Variants in TFG observed in about 807,000 individuals in gnomAD.
The protein encoded by TFG is protein TFG.
TFG carries 22 observed loss-of-function variants against 51.4 expected under a neutral mutation model. That is an observed-to-expected ratio of 0.43 (90% CI 0.31 to 0.61). TFG has a LOEUF of 0.61. TFG is among the 20% of genes least tolerant of loss of function. The pLI is 0.12. For synonymous variants in TFG, 187 were observed against 165.6 expected, an observed-to-expected ratio of 1.13 and a Z score of -0.99; for missense variants, 419 against 487.7, an observed-to-expected ratio of 0.86 and a Z score of 1.33.
intron 7 of TFG, 146 bp from the exon 8 acceptor site, chr3:100,748,003 A>T: frequency 1.4e-6 from 1 of 734,554 alleles, no homozygotes; most frequent in Non-Finnish European, 2.2e-6. Context: ...TTGAAATATT[A>T]TGTGATGGAA....
intron 3 of TFG, among the ~76,000 whole-genome samples, chr3:100,724,139 T>C (rs891952383): frequency 6.6e-6 from 1 of 152,204 alleles, no homozygotes; most frequent in Non-Finnish European, 1.5e-5. Flanking sequence ...CCTTAAATAC[T>C]TTATATTAGT....
intron 1 of TFG, chr3:100,710,917 G>A (rs1346616187): frequency 6.6e-6 from 1 of 152,196 alleles, no homozygotes; most frequent in African/African-American, 2.4e-5. Flanking sequence ...CCCTTGAAGG[G>A]AAAGTTTTGT....
chr3:100,723,962 A>G (rs1197037754), intron 3 of TFG, among the ~76,000 whole-genome samples: 1 of 152,306 alleles, frequency 6.6e-6, no homozygotes, highest in South Asian at 2.1e-4. Context: ...TTTAGAGACT[A>G]TTGGACAGAA....
chr3:100,744,972 T>A (rs1576379748), intron 7 of TFG, 41 bp downstream of exon 7: 1 of 1,315,312 alleles, frequency 7.6e-7, no homozygotes, highest in Non-Finnish European at 1.1e-6. Flanking sequence ...TGGTTTTTTG[T>A]TTCTATACTC....
chr3:100,727,246 C>T (rs991646284), intron 3 of TFG, among the ~76,000 whole-genome samples: 1 of 152,154 alleles, frequency 6.6e-6, no homozygotes, highest in African/African-American at 2.4e-5. Flanking sequence ...TTTCTGGCTG[C>T]TAGGAGCTGT....
At chr3:100,734,262 A>AGCAGCT (rs906927715) in intron 5 of TFG, among the ~76,000 whole-genome samples, 261 of 152,216 alleles carry the variant, frequency 1.7e-3, no homozygotes, top group African/African-American at 5.8e-3. Context: ...TATGGTGTAT[A>AGCAGCT]GCAGCTGATA....
intron 3 of TFG, among the ~76,000 whole-genome samples, chr3:100,723,793 C>T (rs750204762): frequency 4.6e-5 from 7 of 150,746 alleles, no homozygotes; most frequent in African/African-American, 9.7e-5. Context: ...GCTCAAACAG[C>T]GTTGGTCTTG....
chr3:100,714,494 C>T (rs536049048), intron 2 of TFG, among the ~76,000 whole-genome samples: 22 of 149,664 alleles, frequency 1.5e-4, no homozygotes, highest in African/African-American at 3.9e-4. Flanking sequence ...AGCAAGACTC[C>T]GTCTCAAAAA....
intron 5 of TFG, among the ~76,000 whole-genome samples, chr3:100,736,340 A>C (rs2095106139): frequency 6.6e-6 from 1 of 152,088 alleles, no homozygotes; most frequent in African/African-American, 2.4e-5. Context: ...AGAGGTTAAG[A>C]CTCAGGAATA....
In TFG at chr3:100,732,690, T is replaced by TC; in HGVS notation, c.580+20dup. ...GGTTTCAGGTAAGTTGGTTTCCAAC[T>TC]CCTTTACACCCTTCGTTTCCTTCAT... On this transcript the variant is annotated intron_variant, in intron 5 of 7. Transcript: ENST00000240851. The TC allele has an allele frequency of 6.3e-7, 1 of 1,579,792 alleles. No individual in the cohort carries two copies. Among genetic ancestry groups the TC allele is most frequent in the Non-Finnish European group, 8.6e-7 (1 of 1,163,070 alleles).
At chr3:100,717,445 T>G (rs2095049286) in intron 2 of TFG, among the ~76,000 whole-genome samples, 1 of 152,118 alleles carries the variant, frequency 6.6e-6, no homozygotes, top group Non-Finnish European at 1.5e-5. Context: ...ATGAATAATT[T>G]TATTGGTAGT....
chr3:100,717,263 T>C (rs113291340), intron 2 of TFG, among the ~76,000 whole-genome samples: 1 of 152,328 alleles, frequency 6.6e-6, no homozygotes, highest in African/African-American at 2.4e-5. Context: ...ATGTCAGTTC[T>C]GTTGGTCTGT....
intron 1 of TFG, among the ~76,000 whole-genome samples, chr3:100,711,222 T>C (rs2095030498): frequency 6.6e-6 from 1 of 151,886 alleles, no homozygotes; most frequent in African/African-American, 2.4e-5. Context: ...CCTGCCTCAG[T>C]CTCCTGAGTA....
intron 6 of TFG, chr3:100,744,556 A>C (rs1337132237): frequency 7.4e-6 from 2 of 271,980 alleles, no homozygotes; most frequent in African/African-American, 4.4e-5. Context: ...TGGGTTGGAA[A>C]ACATTTGTTT....
intron 3 of TFG, among the ~76,000 whole-genome samples, chr3:100,725,692 G>A (rs1291879987): frequency 2.0e-5 from 3 of 151,800 alleles, no homozygotes; most frequent in Admixed American, 6.6e-5. Flanking sequence ...CACTTGGGAG[G>A]CTGAGACATG....
chr3:100,720,112 A>C, intron 3 of TFG, 54 bp downstream of exon 3: 1 of 1,190,290 alleles, frequency 8.4e-7, no homozygotes, highest in Non-Finnish European at 1.2e-6. Context: ...TATTTTAAAG[A>C]TGTTTGGCTT....
In TFG at chr3:100,748,216, T is replaced by A; in HGVS notation, c.888T>A (p.Thr296=). ...TCCAGGGATATGGCCAGCAACCAACTTCCCAGGCACCAGCTCCTGCCTTTT... is the reference window on the plus strand; with the variant it reads ...TCCAGGGATATGGCCAGCAACCAACATCCCAGGCACCAGCTCCTGCCTTTT... The part of the protein sequence containing the change: ...QQFQGYGQQP[T]SQAPAPAFSG... The change falls in exon 8 of 8, where the codon ACT becomes ACA. Residue 296 remains threonine (T), a synonymous_variant. Coordinates refer to ENST00000240851, the MANE Select transcript of TFG (RefSeq NM_006070.6). 6.2e-7 allele frequency: 1 copy of A among 1,614,118 alleles called. No individual in the cohort carries two copies. Among genetic ancestry groups the A allele is most frequent in the Non-Finnish European group, 8.5e-7 (1 of 1,179,992 alleles).
chr3:100,731,774 C>T (rs1345695952), intron 4 of TFG, among the ~76,000 whole-genome samples: 3 of 152,052 alleles, frequency 2.0e-5, no homozygotes, highest in African/African-American at 7.2e-5. Flanking sequence ...TCTCGAGCTC[C>T]TGACCTCAAG....
At chr3:100,732,742 C>A in intron 5 of TFG, 70 bp downstream of exon 5, 6 of 1,330,544 alleles carry the variant, frequency 4.5e-6, no homozygotes, top group Non-Finnish European at 6.2e-6. Flanking sequence ...TTCCTTCTTT[C>A]TTTAATTGAA....
Sources: allele counts gnomAD v4.1 joint callset (sites outside exome capture counted in the v4.1 genomes callset), GRCh38; gene constraint gnomAD v4.1.1; transcripts MANE v1.5; gene names NCBI Gene and HGNC (gene_info 2026-07-23, HGNC 2026-07-21).